Variants in LRRTM4 observed in about 807,000 individuals in gnomAD.
LRRTM4 encodes leucine-rich repeat transmembrane neuronal protein 4.
Under a neutral mutation model 47.6 loss-of-function variants are expected in LRRTM4, and 25 were observed. That is an observed-to-expected ratio of 0.53 (90% CI 0.38 to 0.73). LRRTM4 has a LOEUF of 0.73. LRRTM4 is among the 30% of genes least tolerant of loss of function. The probability of loss-of-function intolerance (pLI) is 0.00; values close to 1 mark genes in which losing one functional copy is unlikely to be tolerated. For missense variants in LRRTM4, 638 were observed against 713.4 expected (o/e 0.89, Z 1.20); for synonymous variants, 311 against 269.5 (o/e 1.15, Z -1.51).
intron 3 of LRRTM4, among the ~76,000 whole-genome samples, chr2:77,462,036 T>C (rs931252271): frequency 8.5e-5 from 13 of 152,226 alleles, no homozygotes; most frequent in Non-Finnish European, 1.9e-4. Context: ...AAGAGTCTTT[T>C]TTTATCCTAG....
At chr2:77,120,844 C>T (rs894495278) in intron 3 of LRRTM4, among the ~76,000 whole-genome samples, 14 of 151,770 alleles carry the variant, frequency 9.2e-5, no homozygotes, top group Admixed American at 3.9e-4. Context: ...TGGAGGAGAG[C>T]CTTTTTCTAC....
intron 3 of LRRTM4, among the ~76,000 whole-genome samples, chr2:76,786,826 G>A (rs1259174450): frequency 6.6e-6 from 1 of 151,818 alleles, no homozygotes. Context: ...AGAAGGAACT[G>A]GAATTTCATA....
At chr2:76,983,638 T>G (rs117899853) in intron 3 of LRRTM4, among the ~76,000 whole-genome samples, 138 of 152,210 alleles carry the variant, frequency 9.1e-4, no homozygotes, top group Middle Eastern at 3.4e-3. Flanking sequence ...ATTAGTAGCA[T>G]GAGAATAGAC....
At chr2:76,918,885 C>G (rs143412309) in intron 3 of LRRTM4, among the ~76,000 whole-genome samples, 2,252 of 152,208 alleles carry the variant, frequency 0.015, 61 homozygotes, top group South Asian at 0.069. Context: ...ATACTAACTT[C>G]GATCAAGATA....
At position 76,933,540 on chromosome 2, in the gene LRRTM4, C is replaced by G. The variant is rs577413200; in HGVS notation, c.1552-184624G>C. Among the ~76,000 whole-genome samples the G allele has an allele frequency of 6.6e-4, 101 of 152,098 alleles. 1 individual carries two copies. In the South Asian group the frequency reaches 0.016, roughly 24 times the overall value. ...CTTATTAATTTTTTAGAATTGTTTA[C>G]TAAAGTTATCCTCAGGTATTAAAAA... On this transcript the variant is annotated intron_variant, in intron 3 of 3. Coordinates refer to ENST00000409884, the MANE Select transcript of LRRTM4 (RefSeq NM_001134745.3).
At chr2:76,974,376 C>T (rs1300659604) in intron 3 of LRRTM4, among the ~76,000 whole-genome samples, 4 of 150,316 alleles carry the variant, frequency 2.7e-5, no homozygotes, top group Non-Finnish European at 5.9e-5. Flanking sequence ...GGTTTTTGAG[C>T]TAGTAACGTT....
At chr2:77,237,884 A>G (rs541828483) in intron 3 of LRRTM4, among the ~76,000 whole-genome samples, 1 of 152,276 alleles carries the variant, frequency 6.6e-6, no homozygotes, top group Non-Finnish European at 1.5e-5. Flanking sequence ...GCAAAATAAA[A>G]TAACAACCCT....
chr2:77,405,258 C>T (rs892797102), intron 3 of LRRTM4, among the ~76,000 whole-genome samples: 2 of 152,022 alleles, frequency 1.3e-5, no homozygotes, highest in African/African-American at 2.4e-5. Context: ...GACTTGGCTG[C>T]CCTTCTGGGA....
rs565391230 is a variant in LRRTM4 at position 77,090,858 on chromosome 2, T to C, written c.1552-341942A>G. ...CAGCTGAAGACTGACGCTGCCCGATTGCCTCGGCAGCCCCCTAGACCATCA... is the reference window on the plus strand; with the variant it reads ...CAGCTGAAGACTGACGCTGCCCGATCGCCTCGGCAGCCCCCTAGACCATCA... On this transcript the variant is annotated intron_variant, in intron 3 of 3. Transcript: ENST00000409884. 2.7e-3 allele frequency among the ~76,000 whole-genome samples: 410 copies of C among 152,230 alleles called. 2 individuals carry two copies. Among genetic ancestry groups the C allele is most frequent in the Middle Eastern group, 3.4e-3 (1 of 294 alleles).
chr2:77,338,670 C>T (rs944719650), intron 3 of LRRTM4, among the ~76,000 whole-genome samples: 1 of 151,950 alleles, frequency 6.6e-6, no homozygotes, highest in Non-Finnish European at 1.5e-5. Context: ...ATTAATTTAG[C>T]CCTAATGGAA....
intron 3 of LRRTM4, among the ~76,000 whole-genome samples, chr2:77,216,902 C>G (rs969990571): frequency 2.0e-5 from 3 of 151,904 alleles, no homozygotes; most frequent in Admixed American, 6.6e-5. Context: ...GAAACCCCAT[C>G]TCTTACTAAA....
At chr2:76,840,873 C>T (rs1033924440) in intron 3 of LRRTM4, among the ~76,000 whole-genome samples, 2 of 151,894 alleles carry the variant, frequency 1.3e-5, no homozygotes, top group African/African-American at 2.4e-5. Flanking sequence ...GTGGCGATTC[C>T]TCAGGGATCT....
chr2:76,977,197 A>G (rs1297716679), intron 3 of LRRTM4, among the ~76,000 whole-genome samples: 1 of 151,614 alleles, frequency 6.6e-6, no homozygotes, highest in Non-Finnish European at 1.5e-5. Context: ...TGCCAATCTT[A>G]ATGACATCAG....
chr2:76,813,120 C>T (rs1670794162), intron 3 of LRRTM4, among the ~76,000 whole-genome samples: 1 of 151,950 alleles, frequency 6.6e-6, no homozygotes, highest in Non-Finnish European at 1.5e-5. Flanking sequence ...GCCAAGATCA[C>T]CCCATTGCAC....
intron 3 of LRRTM4, among the ~76,000 whole-genome samples, chr2:76,777,058 C>A (rs1156958906): frequency 7.2e-6 from 1 of 138,330 alleles, no homozygotes; most frequent in Non-Finnish European, 1.6e-5. Context: ...TGTCAAAGAT[C>A]AGATAGTTGT....
intron 3 of LRRTM4, among the ~76,000 whole-genome samples, chr2:76,828,210 C>T (rs1023617827): frequency 6.6e-6 from 1 of 151,846 alleles, no homozygotes; most frequent in Admixed American, 6.6e-5. Flanking sequence ...CTAAGCATGC[C>T]GTTTAGGGCA....
intron 3 of LRRTM4, among the ~76,000 whole-genome samples, chr2:77,138,216 T>G (rs1672006828): frequency 6.6e-6 from 1 of 152,190 alleles, no homozygotes; most frequent in Non-Finnish European, 1.5e-5. Context: ...GACCACATAG[T>G]TGGAAGTAAA....
chr2:77,179,630 T>G (rs139263490), intron 3 of LRRTM4, among the ~76,000 whole-genome samples: 1 of 152,256 alleles, frequency 6.6e-6, no homozygotes, highest in Non-Finnish European at 1.5e-5. Context: ...GATTTTACTC[T>G]ATTAAAAAAA....
intron 3 of LRRTM4, among the ~76,000 whole-genome samples, chr2:76,999,989 C>A (rs1391815628): frequency 1.1e-4 from 16 of 152,156 alleles, no homozygotes; most frequent in Admixed American, 1.0e-3. Flanking sequence ...ATAATAGCTT[C>A]TTTCAGCTAG....
Sources: gnomAD v4.1 joint callset for allele counts (sites outside exome capture counted in the v4.1 genomes callset) on GRCh38, gnomAD v4.1.1 for gene constraint, MANE v1.5 for transcripts, NCBI Gene and HGNC (gene_info 2026-07-23, HGNC 2026-07-21) for gene names.